Variants in ARHGAP26 observed in about 807,000 individuals in gnomAD.
ARHGAP26 encodes Rho GTPase activating protein 26.
Under a neutral mutation model 104.8 loss-of-function variants are expected in ARHGAP26, and 38 were observed. The ratio of observed to expected loss-of-function variants is 0.36; its 90% CI spans 0.28 to 0.48. The LOEUF (loss-of-function observed/expected upper bound fraction) is 0.48, where lower values mean the gene tolerates loss of function less well. Among genes scored for constraint, ARHGAP26 ranks in the 20% least tolerant of loss-of-function variants. The pLI is 0.99. For synonymous variants in ARHGAP26, 341 were observed against 340.0 expected (o/e 1.00, Z -0.03); for missense variants, 704 against 947.9 (o/e 0.74, Z 3.38).
chr5:142,993,255 C>T (rs373759255), intron 11 of ARHGAP26, among the ~76,000 whole-genome samples: 1 of 151,326 alleles, frequency 6.6e-6, no homozygotes, highest in African/African-American at 2.4e-5. Context: ...CTGCAAGCTC[C>T]GCTTCCCGGG....
At chr5:143,213,931 A>G in intron 21 of ARHGAP26, 66 bp from the exon 22 acceptor site, 1 of 1,069,908 alleles carries the variant, frequency 9.3e-7, no homozygotes, top group South Asian at 1.5e-5. Context: ...AAGAAGAGAG[A>G]TGAAATGTCT....
chr5:143,212,354 GAAA>G (rs201236164), intron 21 of ARHGAP26, among the ~76,000 whole-genome samples: 156 of 135,764 alleles, frequency 1.1e-3, no homozygotes, highest in Middle Eastern at 0.011. Context: ...AGCCTCTCAA[GAAA>G]AAAAAAAAAA....
chr5:143,136,907 T>C (rs940664465), intron 19 of ARHGAP26, among the ~76,000 whole-genome samples: 1 of 152,234 alleles, frequency 6.6e-6, no homozygotes, highest in Non-Finnish European at 1.5e-5. Context: ...TATATTTCCA[T>C]ATAACAGTGA....
At chr5:142,986,853 A>T (rs1283109396) in intron 11 of ARHGAP26, among the ~76,000 whole-genome samples, 1 of 152,000 alleles carries the variant, frequency 6.6e-6, no homozygotes, top group East Asian at 1.9e-4. Context: ...TGTTCTGTTC[A>T]ATTGGTCTGT....
intron 1 of ARHGAP26, among the ~76,000 whole-genome samples, chr5:142,835,721 G>T (rs1769420287): frequency 6.6e-6 from 1 of 152,212 alleles, no homozygotes; most frequent in South Asian, 2.1e-4. Context: ...CACAGGGTTT[G>T]TGGGGAATGA....
intron 17 of ARHGAP26, among the ~76,000 whole-genome samples, chr5:143,114,023 T>G (rs1282917175): frequency 6.6e-6 from 1 of 152,192 alleles, no homozygotes; most frequent in Non-Finnish European, 1.5e-5. Flanking sequence ...TCTCAGTGCT[T>G]CTCTTTCCTC....
At chr5:143,034,757 T>A (rs925769515) in intron 12 of ARHGAP26, among the ~76,000 whole-genome samples, 3 of 152,062 alleles carry the variant, frequency 2.0e-5, no homozygotes, top group African/African-American at 7.2e-5. Flanking sequence ...AAGAAAGCTG[T>A]TATTTAAAAA....
rs538771792 is a variant in ARHGAP26, at chr5:143,180,051, A to G, written c.1989-27147A>G. 4.9e-4 allele frequency among the ~76,000 whole-genome samples: 75 copies of G among 152,310 alleles called. No individual in the cohort carries two copies. The South Asian group carries it at 0.011, about 21-fold the overall frequency. Reference sequence around the variant, plus strand: ...AGTTTTCTGGACATCTCTCTGTCTCAAAGGAGCCTCCTTTGAAGGCTCCTT... The same window carrying G: ...AGTTTTCTGGACATCTCTCTGTCTCGAAGGAGCCTCCTTTGAAGGCTCCTT... On this transcript the variant is annotated intron_variant, in intron 20 of 22. Coordinates refer to ENST00000645722, the MANE Select transcript of ARHGAP26 (RefSeq NM_001135608.3).
chr5:142,815,546 G>T lies in ARHGAP26; in HGVS notation c.154+44631G>T, dbSNP rs139491117. The stretch of plus-strand genomic sequence containing the variant: ...GTTAAAAAAGTTTGCTAAGTGATGA[G>T]GGTCATGGATTCTTATTCACTGCAC... On this transcript the variant is annotated intron_variant, in intron 1 of 22. Coordinates refer to ENST00000645722, the MANE Select transcript of ARHGAP26 (RefSeq NM_001135608.3). Among the ~76,000 whole-genome samples the T allele has an allele frequency of 4.6e-5, 7 of 152,320 alleles. No homozygotes were observed. In the East Asian group the frequency reaches 1.3e-3, roughly 29 times the overall value.
intron 17 of ARHGAP26, among the ~76,000 whole-genome samples, chr5:143,108,497 A>G (rs1364275618): frequency 1.3e-5 from 2 of 152,186 alleles, no homozygotes; most frequent in Non-Finnish European, 1.5e-5. Flanking sequence ...CCGTGACAGG[A>G]CATATAGGTT....
At chr5:143,028,106 T>C (rs934162641) in intron 12 of ARHGAP26, among the ~76,000 whole-genome samples, 9 of 152,220 alleles carry the variant, frequency 5.9e-5, no homozygotes, top group African/African-American at 2.2e-4. Flanking sequence ...TCACTGATGC[T>C]ATAATCTTAC....
In ARHGAP26 at chr5:142,885,318, C is replaced by T; in HGVS notation, c.405C>T (p.Asp135=). 1.2e-6 allele frequency: 2 copies of T among 1,613,582 alleles called. No individual in the cohort carries two copies. Among genetic ancestry groups the T allele is most frequent in the African/African-American group, 1.3e-5 (1 of 74,996 alleles). ...GAAKEAKKKY[D]KETEKYCGIL... is the part of the protein sequence containing the mutation. ...GCCAGGAAGCCAAAAAGAAGTATGA[C>T]AAAGAGACAGAAAAGTATTGTGGCA... The change falls in exon 5 of 23, where the codon GAC becomes GAT. Residue 135 remains aspartate, a synonymous_variant. Transcript: ENST00000645722.
At chr5:142,900,264 G>A (rs995481427) in intron 6 of ARHGAP26, among the ~76,000 whole-genome samples, 2 of 152,092 alleles carry the variant, frequency 1.3e-5, no homozygotes, top group Non-Finnish European at 2.9e-5. Flanking sequence ...GCCTTCGGCC[G>A]TCTTTGAAGA....
At chr5:142,985,775 C>A (rs1233119335) in intron 11 of ARHGAP26, among the ~76,000 whole-genome samples, 1 of 151,002 alleles carries the variant, frequency 6.6e-6, no homozygotes, top group South Asian at 2.1e-4. Context: ...TCTGTCCTTG[C>A]GATAGTTTGC....
At chr5:142,907,843 G>A in intron 9 of ARHGAP26, 39 bp downstream of exon 9, 1 of 1,439,368 alleles carries the variant, frequency 6.9e-7, no homozygotes, top group Non-Finnish European at 9.7e-7. Context: ...GATTTGCTTG[G>A]CTAACATATA....
At chr5:142,820,701 T>C (rs1448505417) in intron 1 of ARHGAP26, among the ~76,000 whole-genome samples, 6 of 152,204 alleles carry the variant, frequency 3.9e-5, no homozygotes, top group African/African-American at 1.4e-4. Context: ...ACAAAAGCCT[T>C]TTCTTTTGAA....
At chr5:142,846,665 G>A (rs1337542136) in intron 1 of ARHGAP26, among the ~76,000 whole-genome samples, 1 of 152,110 alleles carries the variant, frequency 6.6e-6, no homozygotes, top group African/African-American at 2.4e-5. Flanking sequence ...ATAGACATTT[G>A]GGAGCAAAAG....
chr5:143,195,872 AAT>A (rs1806745550), intron 20 of ARHGAP26, among the ~76,000 whole-genome samples: 1 of 152,022 alleles, frequency 6.6e-6, no homozygotes, highest in Non-Finnish European at 1.5e-5. Flanking sequence ...TAATTGCAAA[AAT>A]ATGTTTTAAA....
At chr5:142,775,761 C>A (rs942746303) in intron 1 of ARHGAP26, among the ~76,000 whole-genome samples, 7 of 152,250 alleles carry the variant, frequency 4.6e-5, no homozygotes, top group African/African-American at 1.7e-4. Flanking sequence ...TTTCACTTAG[C>A]AAAATATTTT....
Sources: allele counts gnomAD v4.1 joint callset (sites outside exome capture counted in the v4.1 genomes callset), GRCh38; gene constraint gnomAD v4.1.1; transcripts MANE v1.5; gene names NCBI Gene and HGNC (gene_info 2026-07-23, HGNC 2026-07-21).